The following HSD17B12 variants were observed in gnomAD, a reference collection of about 807,000 sequenced individuals.
HSD17B12 encodes the protein hydroxysteroid 17-beta dehydrogenase 12, also known as very-long-chain 3-oxoacyl-CoA reductase.
In HSD17B12, 32 loss-of-function variants were observed where a neutral mutation model predicts 39.3. The observed-to-expected ratio is 0.81, with a 90% CI of 0.61 to 1.09. The LOEUF is 1.09. Ranked by LOEUF, HSD17B12 falls within the 50% of genes least tolerant of loss-of-function variation. HSD17B12 has a pLI of 0.00. For missense variants in HSD17B12, 342 were observed against 382.9 expected (o/e 0.89, Z 0.89); for synonymous variants, 150 against 146.7 (o/e 1.02, Z -0.16).
At chr11:43,726,165 T>G (rs11828276) in intron 1 of HSD17B12, among the ~76,000 whole-genome samples, 2,369 of 152,296 alleles carry the variant, frequency 0.016, 48 homozygotes, top group African/African-American at 0.054. Context: ...GGATTTGGTA[T>G]TCATATCCTA....
At chr11:43,594,186 C>T in the HSD17B12 span, among the ~76,000 whole-genome samples, 1 of 151,998 alleles carries the variant, frequency 6.6e-6, no homozygotes, top group East Asian at 1.9e-4. Context: ...TCCATAGTTA[C>T]AAAATCCTTG....
At chr11:43,653,796 A>C in the HSD17B12 span, among the ~76,000 whole-genome samples, 4 of 152,108 alleles carry the variant, frequency 2.6e-5, no homozygotes, top group African/African-American at 9.7e-5. Context: ...AATCCAGTCT[A>C]TCATTGTTGG....
At chr11:43,785,261 G>T (rs948576637) in intron 3 of HSD17B12, among the ~76,000 whole-genome samples, 1 of 152,082 alleles carries the variant, frequency 6.6e-6, no homozygotes, top group African/African-American at 2.4e-5. Context: ...CTTCTAGCAT[G>T]GTTAAGGGGG....
intron 6 of HSD17B12, among the ~76,000 whole-genome samples, chr11:43,818,643 A>G (rs1951152774): frequency 6.6e-6 from 1 of 152,170 alleles, no homozygotes; most frequent in East Asian, 1.9e-4. Flanking sequence ...CTTTGTTGTT[A>G]TTAGCCAAGT....
chr11:43,643,282 G>A, the HSD17B12 span, among the ~76,000 whole-genome samples: 1 of 152,180 alleles, frequency 6.6e-6, no homozygotes, highest in East Asian at 1.9e-4. Flanking sequence ...ATGATACAGT[G>A]TTCTTTAAAC....
chr11:43,676,913 G>A (rs569908138), upstream of HSD17B12, among the ~76,000 whole-genome samples: 2 of 152,130 alleles, frequency 1.3e-5, no homozygotes, highest in Non-Finnish European at 2.9e-5. Flanking sequence ...CCTTGTTGGT[G>A]AGCAATGATG....
chr11:43,576,942 T>C, the HSD17B12 span, among the ~76,000 whole-genome samples: 1 of 152,078 alleles, frequency 6.6e-6, no homozygotes, highest in African/African-American at 2.4e-5. Context: ...CCCCTCCCCA[T>C]TTTCTCTGTC....
At chr11:43,765,513 G>A (rs772033444) in intron 3 of HSD17B12, among the ~76,000 whole-genome samples, 2 of 150,466 alleles carry the variant, frequency 1.3e-5, no homozygotes, top group Non-Finnish European at 3.0e-5. Flanking sequence ...TCTTCTTGTA[G>A]TTTCCCTACT....
At chr11:43,623,501 A>C in the HSD17B12 span, among the ~76,000 whole-genome samples, 2 of 152,198 alleles carry the variant, frequency 1.3e-5, no homozygotes, top group East Asian at 3.9e-4. Context: ...TCGGCAAAAT[A>C]TAATTGAACA....
At chr11:43,672,936 C>G in the HSD17B12 span, 30 of 152,310 alleles carry the variant, frequency 2.0e-4, 1 homozygote, top group African/African-American at 7.2e-4. Flanking sequence ...ATGCTTAAGA[C>G]TCAGTTTCTT....
intron 1 of HSD17B12, 108 bp from the exon 2 acceptor site, chr11:43,750,803 C>A: frequency 1.5e-6 from 1 of 673,198 alleles, no homozygotes; most frequent in South Asian, 2.2e-5. Flanking sequence ...CTGTCTTTTA[C>A]ATCAAAGTGT....
intron 1 of HSD17B12, among the ~76,000 whole-genome samples, chr11:43,684,750 A>G (rs773528701): frequency 6.6e-6 from 1 of 152,228 alleles, no homozygotes; most frequent in Non-Finnish European, 1.5e-5. Context: ...GTACAATTCA[A>G]GGTTTTTACT....
rs1384078308 is a variant in HSD17B12 at position 43,792,924 on chromosome 11, GAGA to G, written c.284-5392_284-5390del. Reference sequence around the variant, plus strand: ...TATAGGGAGGAATTCAAGAAGTATTGAGAAGATGATTTTAATAAATCAGCTGTG... The same window carrying G: ...TATAGGGAGGAATTCAAGAAGTATTGAGATGATTTTAATAAATCAGCTGTG... On this transcript the variant is annotated intron_variant, in intron 3 of 10. Transcript: ENST00000278353. 1.1e-4 allele frequency among the ~76,000 whole-genome samples: 17 copies of G among 152,176 alleles called. No homozygotes were observed. In the South Asian group the frequency reaches 3.3e-3, roughly 30 times the overall value.
chr11:43,713,951 T>G (rs994852091), intron 1 of HSD17B12, among the ~76,000 whole-genome samples: 2 of 152,234 alleles, frequency 1.3e-5, no homozygotes, highest in African/African-American at 4.8e-5. Flanking sequence ...GTTCATATCC[T>G]TCACCCACTT....
intron 1 of HSD17B12, among the ~76,000 whole-genome samples, chr11:43,707,204 A>G (rs1199672786): frequency 6.6e-6 from 1 of 152,238 alleles, no homozygotes; most frequent in Non-Finnish European, 1.5e-5. Flanking sequence ...AAATGGGCAA[A>G]GTCTTTGCTC....
intron 7 of HSD17B12, among the ~76,000 whole-genome samples, chr11:43,837,767 C>T (rs1426799354): frequency 6.6e-6 from 1 of 152,096 alleles, no homozygotes; most frequent in African/African-American, 2.4e-5. Flanking sequence ...AAGGACATAG[C>T]CATTCACTCA....
At chr11:43,557,608 T>G in the HSD17B12 span, among the ~76,000 whole-genome samples, 1 of 152,236 alleles carries the variant, frequency 6.6e-6, no homozygotes, top group Non-Finnish European at 1.5e-5. Context: ...GAGCAAAAAC[T>G]GCTACAGCTC....
intron 1 of HSD17B12, chr11:43,734,485 G>A: frequency 1.5e-6 from 1 of 646,968 alleles, no homozygotes; most frequent in Non-Finnish European, 2.8e-6. Context: ...AAGTCGTGGA[G>A]GACATTGCAT....
intron 1 of HSD17B12, among the ~76,000 whole-genome samples, chr11:43,686,265 G>C (rs1019694769): frequency 6.6e-6 from 1 of 152,210 alleles, no homozygotes; most frequent in African/African-American, 2.4e-5. Flanking sequence ...AGGCAGGGAA[G>C]GTGAGGGAAG....
Sources: allele counts gnomAD v4.1 joint callset (sites outside exome capture counted in the v4.1 genomes callset), GRCh38; gene constraint gnomAD v4.1.1; transcripts MANE v1.5; gene names NCBI Gene and HGNC (gene_info 2026-07-23, HGNC 2026-07-21).